Variants in ITGA1 observed in about 807,000 individuals in gnomAD.
ITGA1 encodes integrin subunit alpha 1, also known as integrin alpha-1.
In ITGA1, 85 loss-of-function variants were observed where a neutral mutation model predicts 145.9. The ratio of observed to expected loss-of-function variants is 0.58; its 90% confidence interval spans 0.49 to 0.70. The LOEUF (loss-of-function observed/expected upper bound fraction) is 0.70, where lower values mean the gene tolerates loss of function less well. ITGA1 is among the 30% of genes least tolerant of loss of function. The probability of loss-of-function intolerance (pLI) is 0.00; values close to 1 mark genes in which losing one functional copy is unlikely to be tolerated. For missense variants in ITGA1, 1,351 were observed against 1,418.7 expected (o/e 0.95, Z 0.77); for synonymous variants, 520 against 495.3 (o/e 1.05, Z -0.66).
chr5:52,904,326 T>C (rs1302052847), intron 11 of ITGA1: 2 of 152,192 alleles, frequency 1.3e-5, no homozygotes, highest in Admixed American at 6.5e-5. Flanking sequence ...GATTAACCCA[T>C]ACGTGACCTC....
chr5:52,942,242 T>G (rs1027812140), intron 26 of ITGA1, among the ~76,000 whole-genome samples: 1 of 152,252 alleles, frequency 6.6e-6, no homozygotes, highest in African/African-American at 2.4e-5. Flanking sequence ...TACTTAGGAT[T>G]GCTTTGGCTA....
At chr5:52,917,542 C>T (rs1415289794) in intron 15 of ITGA1, among the ~76,000 whole-genome samples, 2 of 152,050 alleles carry the variant, frequency 1.3e-5, no homozygotes, top group Admixed American at 1.3e-4. Flanking sequence ...ATGGTATGTG[C>T]ATATGCTGGT....
chr5:52,813,761 T>A (rs1315403697), intron 1 of ITGA1, among the ~76,000 whole-genome samples: 2 of 152,182 alleles, frequency 1.3e-5, no homozygotes, highest in African/African-American at 2.4e-5. Context: ...TGCCTACATC[T>A]CCTCCTCTCA....
intron 1 of ITGA1, among the ~76,000 whole-genome samples, chr5:52,814,440 A>G (rs566147120): frequency 4.1e-4 from 62 of 152,268 alleles, no homozygotes; most frequent in African/African-American, 1.4e-3. Flanking sequence ...CGAGCCCACA[A>G]TGAGTTTTTA....
At chr5:52,841,572 C>G (rs752266260) in intron 1 of ITGA1, among the ~76,000 whole-genome samples, 1 of 152,170 alleles carries the variant, frequency 6.6e-6, no homozygotes, top group African/African-American at 2.4e-5. Flanking sequence ...TACATCCACA[C>G]TGAGATCAAA....
intron 23 of ITGA1, among the ~76,000 whole-genome samples, chr5:52,934,442 G>A (rs139028622): frequency 1.3e-3 from 201 of 151,782 alleles, no homozygotes; most frequent in Middle Eastern, 7.0e-3. Flanking sequence ...AATTGTCTTG[G>A]CAATTTTTTT....
At chr5:52,891,490 C>T (rs547988102) in intron 8 of ITGA1, among the ~76,000 whole-genome samples, 18 of 145,452 alleles carry the variant, frequency 1.2e-4, no homozygotes, top group African/African-American at 4.6e-4. Flanking sequence ...AATTTGTACT[C>T]TACTGTTTAT....
chr5:52,841,220 A>G (rs1749249372), intron 1 of ITGA1, among the ~76,000 whole-genome samples: 1 of 152,190 alleles, frequency 6.6e-6, no homozygotes, highest in Non-Finnish European at 1.5e-5. Flanking sequence ...CTTAACATTA[A>G]TTGTATTGGG....
rs1328048503 is a variant in ITGA1 at position 52,817,217 on chromosome 5, AAC to A, written c.61+28805_61+28806del. ...TGTAAAAGTCAGTTGAGTTTAATAT[AAC>A]AAAAGGGCTGAATACCAGAGGTAGA... is the stretch of plus-strand genomic sequence containing the variant. On this transcript the variant is annotated intron_variant, in intron 1 of 28. Coordinates refer to ENST00000282588, the MANE Select transcript of ITGA1 (RefSeq NM_181501.2). Among the ~76,000 whole-genome samples the A allele has an allele frequency of 2.0e-5, 3 of 152,188 alleles. No homozygotes were observed. The East Asian group carries it at 5.8e-4, about 29-fold the overall frequency.
intron 14 of ITGA1, 119 bp from the exon 15 acceptor site, chr5:52,915,332 GGGACCTCTTGGGC>G: frequency 3.5e-6 from 3 of 868,308 alleles, no homozygotes; most frequent in Non-Finnish European, 5.4e-6. Flanking sequence ...CTCCACATGA[GGGACCTCTTGGGC>G]GGATTCCCAA....
chr5:52,915,672 A>AT, intron 15 of ITGA1, 78 bp downstream of exon 15: 1 of 1,506,000 alleles, frequency 6.6e-7, no homozygotes, highest in South Asian at 1.2e-5. Flanking sequence ...AGCTCATGTC[A>AT]TACCAAATAT....
chr5:52,891,481 A>G (rs910078151), intron 8 of ITGA1, among the ~76,000 whole-genome samples: 1 of 150,144 alleles, frequency 6.7e-6, no homozygotes, highest in Non-Finnish European at 1.5e-5. Flanking sequence ...ATAGACCACA[A>G]TTTGTACTCT....
At chr5:52,832,911 G>T (rs894511687) in intron 1 of ITGA1, among the ~76,000 whole-genome samples, 3 of 151,694 alleles carry the variant, frequency 2.0e-5, no homozygotes, top group East Asian at 3.9e-4. Context: ...TTGAGATTGG[G>T]CTGGGCATGA....
At chr5:52,816,371 C>T (rs2111694982) in intron 1 of ITGA1, among the ~76,000 whole-genome samples, 1 of 152,112 alleles carries the variant, frequency 6.6e-6, no homozygotes, top group African/African-American at 2.4e-5. Flanking sequence ...AGAGATAGTT[C>T]AATGTTAGCC....
intron 1 of ITGA1, among the ~76,000 whole-genome samples, chr5:52,808,683 T>C (rs1384917065): frequency 2.0e-4 from 29 of 143,722 alleles, no homozygotes; most frequent in African/African-American, 3.8e-4. Flanking sequence ...TTTCTTTTTT[T>C]TTTTTTTTTT....
At chr5:52,791,416 G>T (rs1276736807) in intron 1 of ITGA1, among the ~76,000 whole-genome samples, 1 of 152,128 alleles carries the variant, frequency 6.6e-6, no homozygotes, top group East Asian at 1.9e-4. Flanking sequence ...CTGGAGTTGT[G>T]GTCATAAAAA....
In ITGA1 at chr5:52,933,901, A is replaced by C; in HGVS notation, c.2869A>C (p.Ser957Arg). ...TCTAATTAATTTTTTAAGCTCTGCA[A>C]GTGAATACCACATTTCAATTGCTGC... is the stretch of plus-strand genomic sequence containing the variant. ...EVGLQFYSSA[S>R]EYHISIAANE... The change falls in exon 23 of 29, where the codon AGT (serine) becomes CGT (arginine). Residue 957 changes from serine to arginine, a missense_variant. By Grantham distance (110) the Ser-to-Arg change is moderately radical. Transcript: ENST00000282588. 1 of 1,489,532 alleles carries C rather than the reference A, an allele frequency of 6.7e-7. No homozygotes were observed. Among genetic ancestry groups the C allele is most frequent in the Non-Finnish European group, 9.0e-7 (1 of 1,105,432 alleles). 92.3% of individuals were successfully genotyped at this position (1,489,532 alleles called of 1,614,324 possible).
chr5:52,824,902 T>C (rs892802987), intron 1 of ITGA1: 1 of 152,224 alleles, frequency 6.6e-6, no homozygotes, highest in African/African-American at 2.4e-5. Flanking sequence ...TATTATTGTA[T>C]GATTAAGGTG....
chr5:52,821,580 A>G (rs2111705061), intron 1 of ITGA1, among the ~76,000 whole-genome samples: 1 of 152,298 alleles, frequency 6.6e-6, no homozygotes, highest in East Asian at 1.9e-4. Flanking sequence ...AAATACACTA[A>G]GAGTTGGACA....
Sources: gnomAD v4.1 joint callset for allele counts (sites outside exome capture counted in the v4.1 genomes callset) on GRCh38, gnomAD v4.1.1 for gene constraint, MANE v1.5 for transcripts, NCBI Gene and HGNC (gene_info 2026-07-23, HGNC 2026-07-21) for gene names.